INSIG2: variants seen among roughly 807,000 people sequenced by gnomAD.
INSIG2 encodes the protein insulin induced gene 2.
INSIG2 carries 10 observed loss-of-function variants against 27.2 expected under a neutral mutation model. The ratio of observed to expected loss-of-function variants is 0.37; its 90% confidence interval spans 0.23 to 0.62. The LOEUF (loss-of-function observed/expected upper bound fraction) is 0.62, where lower values mean the gene tolerates loss of function less well. Among genes scored for constraint, INSIG2 ranks in the 20% least tolerant of loss-of-function variants. The pLI is 0.65. For synonymous variants in INSIG2, 97 were observed against 95.8 expected (o/e 1.01, Z -0.07); for missense variants, 178 against 270.2 (o/e 0.66, Z 2.39).
intron 1 of INSIG2, among the ~76,000 whole-genome samples, chr2:118,090,438 C>T (rs1049015858): frequency 2.0e-5 from 3 of 152,088 alleles, no homozygotes; most frequent in East Asian, 1.9e-4. Context: ...TTTTTATTCA[C>T]GAAGCTCATA....
chr2:118,099,846 A>G (rs13010544), intron 2 of INSIG2, among the ~76,000 whole-genome samples: 1 of 151,932 alleles, frequency 6.6e-6, no homozygotes, highest in Non-Finnish European at 1.5e-5. Flanking sequence ...CCATCCCTCA[A>G]TGGCTGTGCT....
intron 2 of INSIG2, 101 bp downstream of exon 2, chr2:118,096,901 A>T (rs1678421679): frequency 9.3e-6 from 12 of 1,286,232 alleles, no homozygotes; most frequent in Non-Finnish European, 1.3e-5. Flanking sequence ...AAATATATTT[A>T]TTGAGATATA....
chr2:118,101,580 G>A (rs1261443454), intron 2 of INSIG2, among the ~76,000 whole-genome samples: 1 of 150,786 alleles, frequency 6.6e-6, no homozygotes, highest in Non-Finnish European at 1.5e-5. Context: ...TATGGTGGGG[G>A]GATGGGGGTG....
chr2:118,093,862 AT>A lies in INSIG2; in HGVS notation c.-138-2556del, dbSNP rs1303643883. The stretch of plus-strand genomic sequence containing the variant: ...TGAAAGCAACCAGATGATGATGATG[AT>A]GAGGAGGAGGAGGAGGAGGAGGAGA... On this transcript the variant is annotated intron_variant, in intron 1 of 5. Transcript: ENST00000245787. 5.5e-4 allele frequency among the ~76,000 whole-genome samples: 48 copies of A among 87,662 alleles called. 11 individuals are homozygous for A. The highest frequency in any genetic ancestry group is 1.4e-3 in the Admixed American group (13 of 9,440). 57.5% of individuals were successfully genotyped at this position (87,662 alleles called of 152,430 possible). A position where few individuals can be genotyped will look rare whatever the true frequency, so the allele number is the denominator to read the frequency against.
chr2:118,104,293 A>G (rs1359093369), intron 3 of INSIG2, among the ~76,000 whole-genome samples: 3 of 152,158 alleles, frequency 2.0e-5, no homozygotes, highest in Non-Finnish European at 4.4e-5. Context: ...TTTCCCAAAA[A>G]GTATTGAGGT....
intron 1 of INSIG2, among the ~76,000 whole-genome samples, chr2:118,090,153 A>G (rs993439497): frequency 6.6e-6 from 1 of 152,248 alleles, no homozygotes; most frequent in Non-Finnish European, 1.5e-5. Flanking sequence ...TTAAGAGAGC[A>G]TATGATGAAA....
intron 2 of INSIG2, among the ~76,000 whole-genome samples, chr2:118,099,898 C>T (rs569695729): frequency 1.7e-3 from 258 of 152,258 alleles, no homozygotes; most frequent in Non-Finnish European, 3.1e-3. Context: ...TTGCACCCAC[C>T]CTTTTCTCAG....
intron 2 of INSIG2, among the ~76,000 whole-genome samples, chr2:118,099,899 CTTTT>C: frequency 6.6e-6 from 1 of 152,286 alleles, no homozygotes; most frequent in Non-Finnish European, 1.5e-5. Flanking sequence ...TGCACCCACC[CTTTT>C]CTCAGCCCCC....
At chr2:118,094,367 A>AGATGATGATGATGATGATGATGATGAT (rs34116355) in intron 1 of INSIG2, among the ~76,000 whole-genome samples, 13 of 118,158 alleles carry the variant, frequency 1.1e-4, no homozygotes, top group African/African-American at 3.8e-4. Context: ...AAAAGCAACC[A>AGATGATGATGATGATGATGATGATGAT]GATGATGATG....
chr2:118,096,862 G>C (rs1678420607), intron 2 of INSIG2, 62 bp downstream of exon 2: 1 of 1,522,370 alleles, frequency 6.6e-7, no homozygotes, highest in East Asian at 2.3e-5. Context: ...TATGGACGTT[G>C]TCTGAGCAAT....
Position 118,103,331 on chromosome 2 carries a change from A to G in INSIG2, c.369+10A>G. The G allele has an allele frequency of 1.2e-6, 2 of 1,604,550 alleles. No homozygotes were observed. The highest frequency in any genetic ancestry group is 1.7e-6 in the Non-Finnish European group (2 of 1,174,120). ...AAATCATGCCAGTGCTGTATCCTTT[A>G]CTCTGTAATGAAATGCATAATAACA... is the stretch of plus-strand genomic sequence containing the variant. On this transcript the variant is annotated intron_variant, in intron 3 of 5. Transcript: ENST00000245787.
At chr2:118,107,703 A>C (rs1359119994) in intron 5 of INSIG2, among the ~76,000 whole-genome samples, 1 of 152,198 alleles carries the variant, frequency 6.6e-6, no homozygotes, top group Non-Finnish European at 1.5e-5. Flanking sequence ...TGAGTGACTT[A>C]CTTTGCTGTA....
intron 1 of INSIG2, among the ~76,000 whole-genome samples, chr2:118,089,499 T>C (rs1173187810): frequency 6.6e-6 from 1 of 152,196 alleles, no homozygotes; most frequent in Non-Finnish European, 1.5e-5. Flanking sequence ...TGGTGTTTTG[T>C]AACTTTTGGG....
Position 118,110,577 on chromosome 2 carries a change from G to A in INSIG2, c.*2255G>A, listed in dbSNP as rs376429722. The A allele has an allele frequency of 1.3e-5, 2 of 152,014 alleles. No homozygotes were observed. The highest frequency in any genetic ancestry group is 1.9e-4 in the East Asian group (1 of 5,190). The allele number at this position is 152,014 out of a possible 1,614,324, so 9.4% of individuals were successfully genotyped here. On this transcript the variant is annotated 3_prime_UTR_variant, in exon 6 of 6. Transcript: ENST00000245787. ...GTATCGGTGAGACTGAATGATTATC[G>A]TTGGTGTTCTTAAATTATTTTCAGG...
chr2:118,099,630 G>T (rs1678492776), intron 2 of INSIG2, among the ~76,000 whole-genome samples: 1 of 152,190 alleles, frequency 6.6e-6, no homozygotes, highest in African/African-American at 2.4e-5. Flanking sequence ...AATAAGTAGA[G>T]AAGTTGCCTC....
Position 118,096,578 on chromosome 2 carries a change from T to C in INSIG2, c.22T>C (p.Ser8Pro), listed in dbSNP as rs1471756237. 1 of 1,613,234 alleles carries C rather than the reference T, an allele frequency of 6.2e-7. No individual in the cohort carries two copies. The highest frequency in any genetic ancestry group is 1.7e-5 in the Admixed American group (1 of 59,964). Reference sequence around the variant, plus strand: ...AACCATGGCAGAAGGAGAGACAGAGTCACCTGGGCCCAAAAAGTGTGGCCC... The same window carrying C: ...AACCATGGCAGAAGGAGAGACAGAGCCACCTGGGCCCAAAAAGTGTGGCCC... MAEGETESPGPKKCGPYI... is the reference protein window; with the variant it reads MAEGETEPPGPKKCGPYI... Residue 8 changes from serine to proline, a missense_variant, in exon 2 of 6, where the codon TCA becomes CCA. Coordinates refer to ENST00000245787, the MANE Select transcript of INSIG2 (RefSeq NM_016133.4).
At chr2:118,099,996 T>C (rs565644586) in intron 2 of INSIG2, among the ~76,000 whole-genome samples, 8 of 152,218 alleles carry the variant, frequency 5.3e-5, no homozygotes, top group Non-Finnish European at 8.8e-5. Flanking sequence ...GCCCATTGTC[T>C]GCAGGGTAAA....
At chr2:118,104,332 A>G (rs566020868) in intron 3 of INSIG2, among the ~76,000 whole-genome samples, 1 of 152,336 alleles carries the variant, frequency 6.6e-6, no homozygotes, top group Admixed American at 6.5e-5. Flanking sequence ...GACAGAAACC[A>G]TAGAAAAGAG....
At chr2:118,091,226 G>A (rs1678217675) in intron 1 of INSIG2, among the ~76,000 whole-genome samples, 1 of 152,198 alleles carries the variant, frequency 6.6e-6, no homozygotes, top group Non-Finnish European at 1.5e-5. Context: ...CTCCTCTAGT[G>A]TGCAACTGAT....
Sources: gnomAD v4.1 joint callset for allele counts (sites outside exome capture counted in the v4.1 genomes callset) on GRCh38, gnomAD v4.1.1 for gene constraint, MANE v1.5 for transcripts, NCBI Gene and HGNC (gene_info 2026-07-23, HGNC 2026-07-21) for gene names.